The following NR3C2 variants were observed in gnomAD, a reference collection of about 807,000 sequenced individuals.
NR3C2 encodes the protein mineralocorticoid receptor.
Under a neutral mutation model 86.4 loss-of-function variants are expected in NR3C2, and 15 were observed. The ratio of observed to expected loss-of-function variants is 0.17; its 90% CI spans 0.12 to 0.27. The LOEUF (loss-of-function observed/expected upper bound fraction) is 0.27. Among genes scored for constraint, NR3C2 ranks in the 10% least tolerant of loss-of-function variants. NR3C2 has a pLI of 1.00. For missense variants in NR3C2, 960 were observed against 1,195.6 expected (o/e 0.80, Z 2.91); for synonymous variants, 458 against 450.5 (o/e 1.02, Z -0.21).
At chr4:148,123,219 A>C (rs1409276392) in intron 6 of NR3C2, among the ~76,000 whole-genome samples, 1 of 151,506 alleles carries the variant, frequency 6.6e-6, no homozygotes, top group East Asian at 1.9e-4. Context: ...ATGGGGAAAA[A>C]CTCTGCCCTG....
chr4:148,198,556 AGCCTCAGCCAAGTG>A (rs1736548627), intron 3 of NR3C2, among the ~76,000 whole-genome samples: 1 of 152,194 alleles, frequency 6.6e-6, no homozygotes, highest in African/African-American at 2.4e-5. Context: ...GAGCTATCAG[AGCCTCAGCCAAGTG>A]GCTCAATGTT....
At chr4:148,270,916 A>AAATCAGGAATTCCTTATGG (rs1238934182) in intron 2 of NR3C2, among the ~76,000 whole-genome samples, 2 of 152,182 alleles carry the variant, frequency 1.3e-5, no homozygotes, top group East Asian at 3.8e-4. Flanking sequence ...CCTGATTGCA[A>AAATCAGGAATTCCTTATGG]AATCAGGAAT....
chr4:148,361,928 C>T lies in NR3C2; in HGVS notation c.1757+73176G>A, dbSNP rs1251854118. On this transcript the variant is annotated intron_variant, in intron 2 of 8. Coordinates refer to ENST00000358102, the MANE Select transcript of NR3C2 (RefSeq NM_000901.5). ...TCTTGGCTTACTGCAACCTCTGCCT[C>T]CCAGGTTCAAGCAATTCTCCCGCCT... Among the ~76,000 whole-genome samples, 5 of 152,292 alleles carry T rather than the reference C, an allele frequency of 3.3e-5. No individual in the cohort carries two copies. The South Asian group carries it at 1.0e-3, about 32-fold the overall frequency.
At chr4:148,239,113 C>T (rs554709245) in intron 3 of NR3C2, among the ~76,000 whole-genome samples, 1 of 152,224 alleles carries the variant, frequency 6.6e-6, no homozygotes, top group East Asian at 1.9e-4. Flanking sequence ...AGGCAGATTC[C>T]AAAGTTCGTA....
intron 4 of NR3C2, among the ~76,000 whole-genome samples, chr4:148,184,107 G>A (rs1472136331): frequency 6.6e-6 from 1 of 152,072 alleles, no homozygotes; most frequent in Non-Finnish European, 1.5e-5. Flanking sequence ...AAGAAATCCT[G>A]TTTTAAGTTA....
chr4:148,371,075 A>T (rs1159502919), intron 2 of NR3C2, among the ~76,000 whole-genome samples: 1 of 152,128 alleles, frequency 6.6e-6, no homozygotes, highest in African/African-American at 2.4e-5. Context: ...TGGTAGGTAT[A>T]TATATTTATG....
At chr4:148,174,419 C>A (rs1243908023) in intron 4 of NR3C2, among the ~76,000 whole-genome samples, 1 of 152,144 alleles carries the variant, frequency 6.6e-6, no homozygotes, top group Admixed American at 6.5e-5. Context: ...GGAGTGACAA[C>A]GAGGTGGTTC....
intron 2 of NR3C2, among the ~76,000 whole-genome samples, chr4:148,421,568 TAACTC>T (rs1256938069): frequency 6.6e-6 from 1 of 152,172 alleles, no homozygotes; most frequent in African/African-American, 2.4e-5. Context: ...CGCCTGGAAA[TAACTC>T]AGCTTGGTTA....
chr4:148,153,746 T>G (rs1578946656), intron 5 of NR3C2, among the ~76,000 whole-genome samples: 2 of 152,114 alleles, frequency 1.3e-5, no homozygotes, highest in East Asian at 3.9e-4. Flanking sequence ...ATGACTAAAA[T>G]AGGAATTCCA....
chr4:148,401,749 A>G (rs1205036812), intron 2 of NR3C2, among the ~76,000 whole-genome samples: 1 of 152,148 alleles, frequency 6.6e-6, no homozygotes, highest in Non-Finnish European at 1.5e-5. Flanking sequence ...GGTGTGAGCC[A>G]CCACGCTCGG....
At chr4:148,401,101 C>T (rs145970214) in intron 2 of NR3C2, among the ~76,000 whole-genome samples, 112 of 152,322 alleles carry the variant, frequency 7.4e-4, no homozygotes, top group African/African-American at 2.5e-3. Context: ...ATTCCCACAA[C>T]AAATTCACCA....
chr4:148,442,736 G>C (rs1750417002), upstream of NR3C2: 4 of 985,400 alleles, frequency 4.1e-6, no homozygotes, highest in Non-Finnish European at 4.8e-6. Flanking sequence ...AGCCGCAGCC[G>C]CGGCGGGAGC....
At chr4:148,392,952 T>C (rs555692197) in intron 2 of NR3C2, among the ~76,000 whole-genome samples, 2 of 152,292 alleles carry the variant, frequency 1.3e-5, no homozygotes, top group African/African-American at 4.8e-5. Context: ...TTTCAGTAGG[T>C]AGACATTCAG....
intron 2 of NR3C2, among the ~76,000 whole-genome samples, chr4:148,364,341 C>CAG (rs1746002454): frequency 6.6e-6 from 1 of 152,264 alleles, no homozygotes; most frequent in Admixed American, 6.5e-5. Flanking sequence ...CTGAAGTCGT[C>CAG]AGTTTGGATT....
At chr4:148,229,584 GA>G in intron 3 of NR3C2, among the ~76,000 whole-genome samples, 1 of 152,204 alleles carries the variant, frequency 6.6e-6, no homozygotes, top group East Asian at 1.9e-4. Flanking sequence ...AGAAGGAGAT[GA>G]GATACAGTTA....
intron 4 of NR3C2, among the ~76,000 whole-genome samples, chr4:148,192,530 G>A (rs748874786): frequency 9.2e-5 from 14 of 152,142 alleles, no homozygotes; most frequent in Admixed American, 2.0e-4. Flanking sequence ...GATGGGTGGG[G>A]CCTAAGAACT....
Position 148,221,785 on chromosome 4 carries a change from T to C in NR3C2, c.1898-26923A>G, listed in dbSNP as rs151230091. 7.8e-3 allele frequency among the ~76,000 whole-genome samples: 1,180 copies of C among 151,576 alleles called. 92 individuals carry two copies. The East Asian group carries it at 0.18, about 24-fold the overall frequency. ...GGCAGGTGCCTGTAATCTCAGCTACTTGGGAGGCTGAAGCAGGAGAATTGG... is the reference window on the plus strand; with the variant it reads ...GGCAGGTGCCTGTAATCTCAGCTACCTGGGAGGCTGAAGCAGGAGAATTGG... On this transcript the variant is annotated intron_variant, in intron 3 of 8. Transcript: ENST00000358102.
At chr4:148,094,795 G>A (rs138531716) in intron 8 of NR3C2, among the ~76,000 whole-genome samples, 31 of 151,246 alleles carry the variant, frequency 2.0e-4, no homozygotes, top group Middle Eastern at 3.4e-3. Context: ...ATTCCGAAAG[G>A]TGAAAACAGC....
At chr4:148,360,082 T>C (rs80291135) in intron 2 of NR3C2, among the ~76,000 whole-genome samples, 10,561 of 152,222 alleles carry the variant, frequency 0.069, 440 homozygotes, top group African/African-American at 0.12. Context: ...GAATTTTCTA[T>C]AGCAAGACTG....
Sources: gnomAD v4.1 joint callset for allele counts (sites outside exome capture counted in the v4.1 genomes callset) on GRCh38, gnomAD v4.1.1 for gene constraint, MANE v1.5 for transcripts, NCBI Gene and HGNC (gene_info 2026-07-23, HGNC 2026-07-21) for gene names.